The following RGPD1 variants were observed in gnomAD, a reference collection of about 807,000 sequenced individuals.
RGPD1 encodes RANBP2-like and GRIP domain-containing protein 1.
Under a neutral mutation model 40.6 loss-of-function variants are expected in RGPD1, and 7 were observed. That is an observed-to-expected ratio of 0.17 (90% CI 0.10 to 0.32). The LOEUF (loss-of-function observed/expected upper bound fraction) is 0.32. Among genes scored for constraint, RGPD1 ranks in the 10% least tolerant of loss-of-function variants. RGPD1 has a pLI of 1.00. For synonymous variants in RGPD1, 24 were observed against 167.0 expected (o/e 0.14, Z 6.60); for missense variants, 50 against 472.5 (o/e 0.11, Z 8.29).
Position 86,929,639 on chromosome 2 carries a change from C to A in RGPD1, c.72+15718C>A, listed in dbSNP as rs566668501. 3.5e-5 allele frequency among the ~76,000 whole-genome samples: 4 copies of A among 115,686 alleles called. No individual in the cohort carries two copies. In the East Asian group the frequency reaches 8.8e-4, roughly 26 times the overall value. The allele number at this position is 115,686 out of a possible 152,430, so 75.9% of individuals were successfully genotyped here. A position where few individuals can be genotyped will look rare whatever the true frequency, so the allele number is the denominator to read the frequency against. On this transcript the variant is annotated intron_variant, in intron 1 of 22. Coordinates refer to the RGPD1 transcript ENST00000398193. The stretch of plus-strand genomic sequence containing the variant: ...CAGATTGGTAAATTTCCCAAGATCA[C>A]AAAGTAAGTCAGTAGGAGCTCAAAG...
upstream of RGPD1, among the ~76,000 whole-genome samples, chr2:86,939,788 G>A (rs1196149208): frequency 1.1e-5 from 1 of 88,870 alleles, no homozygotes; most frequent in Non-Finnish European, 2.2e-5. Context: ...AAGCTGGAGT[G>A]CAGTGGAGTG....
chr2:86,930,510 A>G (rs1678858904), intron 1 of RGPD1: 1 of 1,532,400 alleles, frequency 6.5e-7, no homozygotes, highest in Non-Finnish European at 9.0e-7. Flanking sequence ...TTGCAGCCTG[A>G]GTTTAGCTCG....
At chr2:86,944,510 C>T (rs138995417) in intron 1 of RGPD1, among the ~76,000 whole-genome samples, 7,801 of 152,022 alleles carry the variant, frequency 0.051, 242 homozygotes, top group Middle Eastern at 0.092. Context: ...TCAAGCGATC[C>T]TCCCACCTCA....
chr2:86,944,613 A>G (rs1355155588), intron 1 of RGPD1, among the ~76,000 whole-genome samples: 1 of 152,060 alleles, frequency 6.6e-6, no homozygotes, highest in Non-Finnish European at 1.5e-5. Flanking sequence ...GGGTTTCACC[A>G]TGTTGCCCAG....
At position 86,997,151 on chromosome 2, in the gene RGPD1, G is replaced by A. The variant is rs1341865258; in HGVS notation, c.5041-412G>A. Among the ~76,000 whole-genome samples the A allele has an allele frequency of 6.2e-5, 9 of 146,298 alleles. 1 individual carries two copies. The highest frequency in any genetic ancestry group is 2.4e-4 in the African/African-American group (9 of 37,858). On this transcript the variant is annotated intron_variant, in intron 21 of 22. Coordinates refer to ENST00000641458, the MANE Select transcript of RGPD1 (RefSeq NM_001382344.1). The stretch of plus-strand genomic sequence containing the variant: ...ATTTCCACCTCTTCATCTGTTTCTC[G>A]TGAGAATGTCTTGACGTTATCTCAT...
chr2:86,943,939 G>A (rs183193708), intron 1 of RGPD1, among the ~76,000 whole-genome samples: 30 of 151,898 alleles, frequency 2.0e-4, no homozygotes, highest in African/African-American at 9.7e-5. Flanking sequence ...GCTTGAACCC[G>A]GGAGGTGGAG....
intron 1 of RGPD1, among the ~76,000 whole-genome samples, chr2:86,918,375 T>C (rs940209347): frequency 6.8e-6 from 1 of 146,598 alleles, no homozygotes; most frequent in Non-Finnish European, 1.5e-5. Flanking sequence ...TGAAAAAAAA[T>C]CACTCTAGAC....
At chr2:86,942,051 C>T (rs1435024890), upstream of RGPD1, among the ~76,000 whole-genome samples, 2 of 151,512 alleles carry the variant, frequency 1.3e-5, no homozygotes, top group African/African-American at 4.9e-5. Flanking sequence ...GCCAAGAGCC[C>T]GGCCGAGTGC....
chr2:86,914,039 C>CCG (rs1159776700), intron 1 of RGPD1: 1 of 56,166 alleles, frequency 1.8e-5, no homozygotes, highest in African/African-American at 5.8e-5. Flanking sequence ...GCGGCGGCGG[C>CCG]GGCGGCGGCG....
chr2:86,942,393 G>GGGCGGCGGCCTCGACCTGGCCC (rs1679886621), intron 1 of RGPD1, 85 bp downstream of exon 1: 1 of 1,336,960 alleles, frequency 7.5e-7, no homozygotes, highest in Admixed American at 3.0e-5. Context: ...CGACCTGGCC[G>GGGCGGCGGCCTCGACCTGGCCC]GGCGGCGGCC....
intron 1 of RGPD1, among the ~76,000 whole-genome samples, chr2:86,915,149 A>G (rs1334455048): frequency 1.3e-5 from 2 of 150,014 alleles, no homozygotes; most frequent in African/African-American, 2.5e-5. Flanking sequence ...TACAAAAATC[A>G]GCGGGGTGTG....
At chr2:86,942,109 A>C, upstream of RGPD1, 1 of 1,312,744 alleles carries the variant, frequency 7.6e-7, no homozygotes, top group African/African-American at 1.5e-5. Context: ...GACGCAGTAC[A>C]CAAGTGCGTC....
At chr2:86,941,195 TCTCA>T (rs931747273), upstream of RGPD1, among the ~76,000 whole-genome samples, 4 of 151,998 alleles carry the variant, frequency 2.6e-5, no homozygotes, top group Admixed American at 6.6e-5. Context: ...TCTAAAAGGC[TCTCA>T]CTATTAAAAA....
At chr2:86,914,065 TCGGCCCCGGCC>T (rs1677596349) in intron 1 of RGPD1, 3 of 17,294 alleles carry the variant, frequency 1.7e-4, no homozygotes, top group African/African-American at 1.2e-3. Flanking sequence ...GGCCTCGGCC[TCGGCCCCGGCC>T]TGGCCGGGCG....
rs1267907949 is a variant in RGPD1, at chr2:86,918,635, G to A, written c.72+4714G>A. On this transcript the variant is annotated intron_variant, in intron 1 of 22. Transcript: ENST00000398193. ...CCACCACGCCCGGCTAATTTTTTGT[G>A]TTTTTAGTAGAGATGGGGTTTCACC... Among the ~76,000 whole-genome samples, 345 of 147,684 alleles carry A rather than the reference G, an allele frequency of 2.3e-3. 5 individuals carry two copies. Among genetic ancestry groups the A allele is most frequent in the African/African-American group, 7.4e-3 (287 of 38,754 alleles).
intron 1 of RGPD1, among the ~76,000 whole-genome samples, chr2:86,920,101 G>A (rs1158115973): frequency 1.2e-4 from 19 of 152,036 alleles, no homozygotes; most frequent in South Asian, 8.4e-4. Flanking sequence ...ACGGGGTTTT[G>A]CTCTGTCGTC....
At chr2:86,956,038 T>C (rs1313915301) in intron 4 of RGPD1, among the ~76,000 whole-genome samples, 8 of 150,276 alleles carry the variant, frequency 5.3e-5, no homozygotes, top group Non-Finnish European at 8.8e-5. Flanking sequence ...TTTTTTGGAA[T>C]TGAAATCCAT....
intron 1 of RGPD1, among the ~76,000 whole-genome samples, chr2:86,923,270 C>T (rs1217111669): frequency 1.3e-5 from 2 of 151,578 alleles, no homozygotes; most frequent in African/African-American, 2.4e-5. Context: ...AACTCATGAC[C>T]TCAAGTGACC....
At chr2:86,935,880 A>G (rs1679312489) in intron 1 of RGPD1, among the ~76,000 whole-genome samples, 1 of 146,482 alleles carries the variant, frequency 6.8e-6, no homozygotes, top group African/African-American at 2.5e-5. Flanking sequence ...AAGCTTATGG[A>G]TATATTTAAA....
Sources: gnomAD v4.1 joint callset for allele counts (sites outside exome capture counted in the v4.1 genomes callset) on GRCh38, gnomAD v4.1.1 for gene constraint, MANE v1.5 for transcripts, NCBI Gene and HGNC (gene_info 2026-07-23, HGNC 2026-07-21) for gene names.